The following TUSC3 variants were observed in gnomAD, a reference collection of about 807,000 sequenced individuals.
TUSC3 encodes dolichyl-diphosphooligosaccharide--protein glycosyltransferase subunit TUSC3.
Under a neutral mutation model 44.8 loss-of-function variants are expected in TUSC3, and 45 were observed. That is an observed-to-expected ratio of 1.00 (90% CI 0.79 to 1.29). TUSC3 has a LOEUF of 1.29. Ranked by LOEUF, TUSC3 falls within the 50% of genes most tolerant of loss-of-function variation. The probability of loss-of-function intolerance (pLI) is 0.00; values close to 1 mark genes in which losing one functional copy is unlikely to be tolerated. For synonymous variants in TUSC3, 212 were observed against 152.9 expected (o/e 1.39, Z -2.85); for missense variants, 519 against 437.9 (o/e 1.19, Z -1.65).
chr8:15,766,210 C>A lies in TUSC3; in HGVS notation c.*2054C>A, dbSNP rs531818986. ...AAAGCTGTGGCTTCTCTATAGACAA[C>A]TGTTACATTAGGGAAGTGATTCTAG... On this transcript the variant is annotated 3_prime_UTR_variant, in exon 11 of 11. Transcript: ENST00000503731. The A allele has an allele frequency of 6.6e-6, 1 of 152,124 alleles. No individual in the cohort carries two copies. Among genetic ancestry groups the A allele is most frequent in the African/African-American group, 2.4e-5 (1 of 41,520 alleles). 9.4% of individuals were successfully genotyped at this position (152,124 alleles called of 1,614,324 possible).
intron 1 of TUSC3, among the ~76,000 whole-genome samples, chr8:15,436,255 G>C (rs28450938): frequency 0.16 from 24,697 of 152,144 alleles, 2,074 homozygotes; most frequent in Middle Eastern, 0.22. Context: ...CTGCTGCCTG[G>C]TATTGGTTTT....
At chr8:15,417,591 G>A (rs1298075082) in intron 1 of TUSC3, among the ~76,000 whole-genome samples, 2 of 152,140 alleles carry the variant, frequency 1.3e-5, no homozygotes, top group Non-Finnish European at 2.9e-5. Flanking sequence ...CAATTTAAAC[G>A]CTTACTCTAG....
chr8:15,733,243 T>G, intron 7 of TUSC3: 1 of 286,344 alleles, frequency 3.5e-6, no homozygotes, highest in South Asian at 3.3e-5. Flanking sequence ...TATTTAAAGA[T>G]ATTCAGGAAG....
At chr8:15,592,758 A>T (rs1439893023) in intron 1 of TUSC3, among the ~76,000 whole-genome samples, 1 of 152,210 alleles carries the variant, frequency 6.6e-6, no homozygotes, top group Non-Finnish European at 1.5e-5. Flanking sequence ...GGACCAAAAC[A>T]GTACTGTTCT....
At chr8:15,815,414 C>G in the TUSC3 span, among the ~76,000 whole-genome samples, 2 of 152,040 alleles carry the variant, frequency 1.3e-5, no homozygotes, top group Non-Finnish European at 2.9e-5. Flanking sequence ...AAAATTGAGT[C>G]AGATTTTACA....
chr8:15,459,768 A>G (rs768313360), intron 1 of TUSC3, among the ~76,000 whole-genome samples: 16 of 151,890 alleles, frequency 1.1e-4, no homozygotes, highest in Admixed American at 1.3e-4. Context: ...ATAATCTCCA[A>G]TCTCATCCCG....
intron 2 of TUSC3, among the ~76,000 whole-genome samples, chr8:15,633,933 A>G (rs1306756621): frequency 6.6e-6 from 1 of 152,170 alleles, no homozygotes; most frequent in Non-Finnish European, 1.5e-5. Flanking sequence ...TAAACAAAAC[A>G]TCCCACAAGG....
intron 6 of TUSC3, among the ~76,000 whole-genome samples, chr8:15,729,577 C>G (rs1810632228): frequency 6.6e-6 from 1 of 152,084 alleles, no homozygotes; most frequent in African/African-American, 2.4e-5. Flanking sequence ...ATGAATGCAG[C>G]AAGAGGGCAT....
At chr8:15,830,625 G>A in the TUSC3 span, among the ~76,000 whole-genome samples, 1 of 152,108 alleles carries the variant, frequency 6.6e-6, no homozygotes, top group East Asian at 1.9e-4. Flanking sequence ...AGGTAGAGGT[G>A]GAGGCCCTTA....
the TUSC3 span, among the ~76,000 whole-genome samples, chr8:15,811,180 G>A: frequency 6.6e-6 from 1 of 152,152 alleles, no homozygotes; most frequent in Admixed American, 6.5e-5. Context: ...CTATTGATTA[G>A]GGTAAGCAAA....
At chr8:15,542,778 C>A (rs1478567184) in intron 1 of TUSC3, among the ~76,000 whole-genome samples, 1 of 152,076 alleles carries the variant, frequency 6.6e-6, no homozygotes, top group Non-Finnish European at 1.5e-5. Flanking sequence ...GTTTTTCTTG[C>A]AAATTAGTTT....
the TUSC3 span, among the ~76,000 whole-genome samples, chr8:15,788,546 C>CAAAAAAAA: frequency 2.6e-5 from 2 of 75,536 alleles, no homozygotes; most frequent in African/African-American, 1.0e-4. Context: ...GACTCTATCT[C>CAAAAAAAA]AAAAAAAAAA....
intron 1 of TUSC3, among the ~76,000 whole-genome samples, chr8:15,548,380 G>A (rs1019629619): frequency 6.6e-6 from 1 of 151,826 alleles, no homozygotes; most frequent in African/African-American, 2.4e-5. Flanking sequence ...TGTTTTAGAA[G>A]TGAGTATATG....
At chr8:15,466,352 T>C (rs1463994694) in intron 1 of TUSC3, among the ~76,000 whole-genome samples, 1 of 152,178 alleles carries the variant, frequency 6.6e-6, no homozygotes, top group Admixed American at 6.5e-5. Context: ...AGAACCTTAA[T>C]ACTCAAAGCA....
At chr8:15,530,183 C>G (rs1306772710) in intron 2 of TUSC3, among the ~76,000 whole-genome samples, 1 of 151,922 alleles carries the variant, frequency 6.6e-6, no homozygotes, top group East Asian at 1.9e-4. Flanking sequence ...AGTCTGTTGT[C>G]CACACAGCAG....
intron 1 of TUSC3, among the ~76,000 whole-genome samples, chr8:15,543,923 TG>T (rs1801777047): frequency 6.6e-6 from 1 of 151,956 alleles, no homozygotes; most frequent in Non-Finnish European, 1.5e-5. Context: ...TGTGTGTGTG[TG>T]TGTGTGTGTG....
chr8:15,807,545 G>A, the TUSC3 span, among the ~76,000 whole-genome samples: 1 of 152,024 alleles, frequency 6.6e-6, no homozygotes, highest in Non-Finnish European at 1.5e-5. Context: ...AAAATAAATC[G>A]TTCTCCCAAA....
At chr8:15,431,447 CGTT>C (rs1799872996) in intron 1 of TUSC3, among the ~76,000 whole-genome samples, 1 of 151,468 alleles carries the variant, frequency 6.6e-6, no homozygotes, top group Non-Finnish European at 1.5e-5. Flanking sequence ...CTTTAAATGG[CGTT>C]GTTTTCATAA....
chr8:15,797,405 G>T, the TUSC3 span, among the ~76,000 whole-genome samples: 2 of 152,020 alleles, frequency 1.3e-5, no homozygotes, highest in African/African-American at 4.8e-5. Flanking sequence ...CTTGATGCCA[G>T]AGGGACTTAG....
Sources: allele counts gnomAD v4.1 joint callset (sites outside exome capture counted in the v4.1 genomes callset), GRCh38; gene constraint gnomAD v4.1.1; transcripts MANE v1.5; gene names NCBI Gene and HGNC (gene_info 2026-07-23, HGNC 2026-07-21).